Variants in CTNNAL1 observed in about 807,000 individuals in gnomAD.
The protein encoded by CTNNAL1 is catenin alpha like 1.
A neutral mutation model predicts 93.6 loss-of-function variants in CTNNAL1; 69 were observed. That is an observed-to-expected ratio of 0.74 (90% confidence interval 0.61 to 0.90). The LOEUF (loss-of-function observed/expected upper bound fraction) is 0.90. CTNNAL1 is among the 40% of genes least tolerant of loss of function. CTNNAL1 has a pLI of 0.00. For synonymous variants in CTNNAL1, 286 were observed against 305.4 expected, an observed-to-expected ratio of 0.94 and a Z score of 0.66; for missense variants, 836 against 862.0, an observed-to-expected ratio of 0.97 and a Z score of 0.38.
At position 108,947,128 on chromosome 9, in the gene CTNNAL1, T is replaced by A. The variant is rs557573949; in HGVS notation, c.1884+1058A>T. ...AGAAATTTCTTTCTTTTTTTTTTTT[T>A]TTTGAGATGGAGTCTTGCTCTGTCA... On this transcript the variant is annotated intron_variant, in intron 15 of 18. Transcript: ENST00000325551. Among the ~76,000 whole-genome samples, 3 of 151,362 alleles carry A rather than the reference T, an allele frequency of 2.0e-5. No homozygotes were observed. In the South Asian group the frequency reaches 6.3e-4, roughly 32 times the overall value.
intron 8 of CTNNAL1, among the ~76,000 whole-genome samples, chr9:108,974,667 C>A (rs1457247649): frequency 6.6e-6 from 1 of 152,082 alleles, no homozygotes; most frequent in Non-Finnish European, 1.5e-5. Context: ...GAGACCCTAT[C>A]TCTACAAAAA....
intron 12 of CTNNAL1, 41 bp downstream of exon 12, chr9:108,955,749 G>A: frequency 6.5e-7 from 1 of 1,544,910 alleles, no homozygotes; most frequent in Non-Finnish European, 8.9e-7. Flanking sequence ...TTTGAATTCT[G>A]AATAAAAACA....
chr9:108,961,005 G>A (rs1471944723), intron 11 of CTNNAL1, among the ~76,000 whole-genome samples: 1 of 152,224 alleles, frequency 6.6e-6, no homozygotes, highest in Non-Finnish European at 1.5e-5. Context: ...CTTTTAGCAT[G>A]TGAACACTAA....
intron 11 of CTNNAL1, among the ~76,000 whole-genome samples, chr9:108,956,118 G>A (rs1830682975): frequency 6.6e-6 from 1 of 152,224 alleles, no homozygotes; most frequent in Non-Finnish European, 1.5e-5. Flanking sequence ...CTTGCAATCA[G>A]CTTCATTCAC....
chr9:108,972,864 G>GGGGTCCC, intron 8 of CTNNAL1, 31 bp from the exon 9 acceptor site: 1 of 142,584 alleles, frequency 7.0e-6, no homozygotes. Flanking sequence ...GGGGGGGTGG[G>GGGGTCCC]AGGGTGGAGA....
chr9:109,007,029 G>C (rs1269485734), intron 1 of CTNNAL1, among the ~76,000 whole-genome samples: 1 of 152,112 alleles, frequency 6.6e-6, no homozygotes, highest in Non-Finnish European at 1.5e-5. Context: ...GACCAGCCTG[G>C]CCAACATGGT....
chr9:108,948,163 CAT>C (rs1351823624), intron 15 of CTNNAL1, 21 bp downstream of exon 15: 3 of 1,608,922 alleles, frequency 1.9e-6, no homozygotes, highest in Non-Finnish European at 2.5e-6. Context: ...AAAGTACTAG[CAT>C]AAAACGGAAA....
chr9:108,965,906 G>A (rs1162974869), intron 10 of CTNNAL1, among the ~76,000 whole-genome samples: 1 of 152,140 alleles, frequency 6.6e-6, no homozygotes. Context: ...AGTGGTGGTG[G>A]TAGTAGCAGT....
At chr9:108,952,132 G>T in intron 14 of CTNNAL1, 77 bp downstream of exon 14, 1 of 1,265,694 alleles carries the variant, frequency 7.9e-7, no homozygotes, top group Non-Finnish European at 1.1e-6. Context: ...ACCTGTCAAT[G>T]ATTTAACATG....
At chr9:108,945,093 G>T (rs1367226506) in intron 15 of CTNNAL1, among the ~76,000 whole-genome samples, 1 of 152,154 alleles carries the variant, frequency 6.6e-6, no homozygotes, top group African/African-American at 2.4e-5. Context: ...CATACAGTAT[G>T]ATGGTTTTAA....
intron 1 of CTNNAL1, among the ~76,000 whole-genome samples, chr9:109,008,371 T>A (rs1564154901): frequency 6.6e-6 from 1 of 151,992 alleles, no homozygotes. Context: ...GGTCTCAAAC[T>A]CCCGACCTCA....
chr9:108,952,038 T>C (rs1245351589), intron 14 of CTNNAL1, among the ~76,000 whole-genome samples, 171 bp downstream of exon 14: 2 of 152,216 alleles, frequency 1.3e-5, no homozygotes, highest in Admixed American at 6.5e-5. Flanking sequence ...ATTAAATACA[T>C]GTGTCTTGTT....
chr9:108,970,397 C>T lies in CTNNAL1; in HGVS notation c.1440+5G>A, dbSNP rs1394825074. On this transcript the variant is annotated splice_donor_5th_base_variant and intron_variant, in intron 10 of 18. Transcript: ENST00000325551. ...TACAGAAGGAGCAATCTGCTATTAT[C>T]ATACCTGTTGGCCAGTCACCTGAAA... 2.5e-6 allele frequency: 4 copies of T among 1,608,094 alleles called. 1 individual carries two copies. In the South Asian group the frequency reaches 4.4e-5, roughly 18 times the overall value.
At chr9:109,009,764 A>AC (rs1827153714) in intron 1 of CTNNAL1, among the ~76,000 whole-genome samples, 3 of 152,346 alleles carry the variant, frequency 2.0e-5, no homozygotes, top group African/African-American at 7.2e-5. Flanking sequence ...CATTAAATTG[A>AC]CCAATAGGGA....
intron 1 of CTNNAL1, among the ~76,000 whole-genome samples, chr9:109,004,993 G>A (rs1336392738): frequency 6.6e-6 from 1 of 152,046 alleles, no homozygotes; most frequent in Non-Finnish European, 1.5e-5. Context: ...CTAATAAGTA[G>A]CCTAGTTTAG....
chr9:109,001,172 CA>C lies in CTNNAL1; in HGVS notation c.142-1917del, dbSNP rs757020475. On this transcript the variant is annotated intron_variant, in intron 1 of 18. Coordinates refer to ENST00000325551, the MANE Select transcript of CTNNAL1 (RefSeq NM_003798.4). Reference sequence around the variant, plus strand: ...GGGTGACAGTATGAGACTCCATCTCCAAAAAAAAAAAAAAAAAAAAAGAACT... The same window carrying C: ...GGGTGACAGTATGAGACTCCATCTCCAAAAAAAAAAAAAAAAAAAAGAACT... 0.01 allele frequency among the ~76,000 whole-genome samples: 596 copies of C among 56,780 alleles called. 6 individuals carry two copies. In the East Asian group the frequency reaches 0.12, roughly 12 times the overall value. 37.2% of individuals were successfully genotyped at this position (56,780 alleles called of 152,430 possible). A position where few individuals can be genotyped will look rare whatever the true frequency, so the allele number is the denominator to read the frequency against.
intron 10 of CTNNAL1, among the ~76,000 whole-genome samples, chr9:108,966,139 C>A (rs1399951166): frequency 6.6e-6 from 1 of 152,100 alleles, no homozygotes; most frequent in African/African-American, 2.4e-5. Context: ...TTGTGCCAGA[C>A]CCTATTACGA....
intron 4 of CTNNAL1, among the ~76,000 whole-genome samples, chr9:108,986,137 A>G (rs1025288861): frequency 6.7e-6 from 1 of 150,274 alleles, no homozygotes; most frequent in Non-Finnish European, 1.5e-5. Context: ...TTAACTCGTC[A>G]TTTAGCATTA....
In CTNNAL1 at chr9:108,953,569, C is replaced by G. The variant is rs28361161; in HGVS notation, c.1630-1075G>C. ...CTTAGCTTAGGAAGGAAAATCATCA[C>G]TAATACTTTAAGGAAAAAGATCTTC... On this transcript the variant is annotated intron_variant, in intron 12 of 18. Transcript: ENST00000325551. Among the ~76,000 whole-genome samples the G allele has an allele frequency of 6.8e-4, 103 of 152,300 alleles. 3 individuals carry two copies. In the South Asian group the frequency reaches 0.021, roughly 31 times the overall value.
Sources: gnomAD v4.1 joint callset for allele counts (sites outside exome capture counted in the v4.1 genomes callset) on GRCh38, gnomAD v4.1.1 for gene constraint, MANE v1.5 for transcripts, NCBI Gene and HGNC (gene_info 2026-07-23, HGNC 2026-07-21) for gene names.